Variants in CETP observed in about 807,000 individuals in gnomAD.
CETP encodes BPI fold containing family F.
In CETP, 56 loss-of-function variants were observed where a neutral mutation model predicts 66.5. That is an observed-to-expected ratio of 0.84 (90% confidence interval 0.68 to 1.05). The LOEUF is 1.05. CETP is among the 50% of genes least tolerant of loss of function. The pLI is 0.00. For missense variants in CETP, 612 were observed against 609.6 expected, an observed-to-expected ratio of 1.00 and a Z score of -0.04; for synonymous variants, 251 against 245.7, an observed-to-expected ratio of 1.02 and a Z score of -0.20.
intron 5 of CETP, among the ~76,000 whole-genome samples, chr16:56,970,402 G>A (rs546572131): frequency 6.6e-6 from 1 of 152,302 alleles, no homozygotes; most frequent in African/African-American, 2.4e-5. Context: ...TGCATTCCAA[G>A]CACCACACTA....
rs138298866 is a variant in CETP at position 56,978,126 on chromosome 16, C to T, written c.1017C>T (p.Thr339=). The stretch of plus-strand genomic sequence containing the variant: ...GCTTCCCCAGCCAGGCCCAAGTCAC[C>T]GTCCACTGCCTCAAGATGCCCAAGA... ...VGGFPSQAQV[T]VHCLKMPKIS... The change falls in exon 11 of 16, where the codon ACC becomes ACT. Residue 339 remains threonine (T), a synonymous_variant. Coordinates refer to ENST00000200676, the MANE Select transcript of CETP (RefSeq NM_000078.3). The T allele has an allele frequency of 1.9e-4, 305 of 1,614,240 alleles. No individual in the cohort carries two copies. The highest frequency in any genetic ancestry group is 2.4e-4 in the Non-Finnish European group (284 of 1,180,044).
chr16:56,978,225 G>A lies in CETP; in HGVS notation c.1116G>A (p.Gln372=), dbSNP rs773757183. 94 of 1,614,110 alleles carry A rather than the reference G, an allele frequency of 5.8e-5. No homozygotes were observed. In the South Asian group the frequency reaches 1.0e-3, roughly 17 times the overall value. ...MVKFLFPRPD[Q]QHSVAYTFEE... is the part of the protein sequence containing the mutation. ...AATTCCTCTTTCCACGCCCAGACCAGCAACATTCTGTAGCTTACACATTTG... is the reference window on the plus strand; with the variant it reads ...AATTCCTCTTTCCACGCCCAGACCAACAACATTCTGTAGCTTACACATTTG... Residue 372 remains glutamine, a synonymous_variant, in exon 11 of 16, where the codon CAG becomes CAA. Transcript: ENST00000200676.
chr16:56,981,508 C>A, intron 12 of CETP, 139 bp from the exon 13 acceptor site: 2 of 1,084,374 alleles, frequency 1.8e-6, no homozygotes, highest in Non-Finnish European at 2.8e-6. Flanking sequence ...AAGGGAATAG[C>A]AAATCTCAAG....
chr16:56,971,424 G>A (rs1247210608), intron 7 of CETP, 43 bp downstream of exon 7: 3 of 1,574,144 alleles, frequency 1.9e-6, no homozygotes, highest in Non-Finnish European at 2.6e-6. Context: ...ACAGCAGTGG[G>A]AGCCAGAAAG....
intron 5 of CETP, 69 bp from the exon 6 acceptor site, chr16:56,970,964 G>A: frequency 6.2e-6 from 9 of 1,448,342 alleles, no homozygotes; most frequent in Non-Finnish European, 8.7e-6. Flanking sequence ...ACGGTGCCTG[G>A]TACACACTAG....
At chr16:56,983,204 C>A in intron 14 of CETP, 122 bp from the exon 15 acceptor site, 2 of 785,906 alleles carry the variant, frequency 2.5e-6, no homozygotes, top group South Asian at 2.8e-5. Flanking sequence ...CAAAGTGAAA[C>A]GCATGTTTAC....
chr16:56,982,374 C>T, intron 14 of CETP, 137 bp downstream of exon 14: 1 of 826,790 alleles, frequency 1.2e-6, no homozygotes. Flanking sequence ...GCCCCCTTTC[C>T]TCTCCCTGCT....
rs188149780 is a variant in CETP at position 56,974,075 on chromosome 16, G to C, written c.930+565G>C. 4.8e-4 allele frequency among the ~76,000 whole-genome samples: 73 copies of C among 152,266 alleles called. 2 individuals carry two copies. The East Asian group carries it at 0.014, about 29-fold the overall frequency. The stretch of plus-strand genomic sequence containing the variant: ...GTCAGGTAGGCCCAGGCCTGGTTTC[G>C]GGTCTGGTTCCTTGGTTTCGGGTCT... On this transcript the variant is annotated intron_variant, in intron 9 of 15. Transcript: ENST00000200676.
At chr16:56,978,066 G>A (rs2056162097) in intron 10 of CETP, 25 bp from the exon 11 acceptor site, 18 of 1,612,778 alleles carry the variant, frequency 1.1e-5, no homozygotes, top group Non-Finnish European at 1.5e-5. Flanking sequence ...CCCTGTCCTG[G>A]CCATGGGACC....
intron 2 of CETP, among the ~76,000 whole-genome samples, chr16:56,963,587 G>T (rs2056041790): frequency 6.6e-6 from 1 of 152,160 alleles, no homozygotes; most frequent in South Asian, 2.1e-4. Context: ...CTTTATTTGG[G>T]ATGATGGTAA....
At chr16:56,962,793 C>T (rs1410405377) in intron 1 of CETP, among the ~76,000 whole-genome samples, 2 of 152,158 alleles carry the variant, frequency 1.3e-5, no homozygotes, top group Admixed American at 6.5e-5. Context: ...AGGGTATGAT[C>T]AGGATCTCTA....
intron 2 of CETP, among the ~76,000 whole-genome samples, chr16:56,964,643 G>C (rs1054522779): frequency 3.3e-5 from 5 of 152,286 alleles, no homozygotes; most frequent in Non-Finnish European, 4.4e-5. Flanking sequence ...GCTCCCCAGG[G>C]GTGGTCTCTG....
chr16:56,978,539 C>T (rs2056166618), intron 11 of CETP, among the ~76,000 whole-genome samples: 1 of 151,434 alleles, frequency 6.6e-6, no homozygotes, highest in African/African-American at 2.4e-5. Flanking sequence ...GGAGTGCAGC[C>T]TCACACTCAT....
rs1211093614 is a variant in CETP at position 56,970,947 on chromosome 16, G to A, written c.528-86G>A. 14 of 1,249,616 alleles carry A rather than the reference G, an allele frequency of 1.1e-5. No homozygotes were observed. The East Asian group carries it at 3.2e-4, about 29-fold the overall frequency. The allele number at this position is 1,249,616 out of a possible 1,614,324, so 77.4% of individuals were successfully genotyped here. A position where few individuals can be genotyped will look rare whatever the true frequency, so the allele number is the denominator to read the frequency against. ...AGCTACAAGAGTCAGGGCCAACAGAGCCATGAACGGTGCCTGGTACACACT... is the reference window on the plus strand; with the variant it reads ...AGCTACAAGAGTCAGGGCCAACAGAACCATGAACGGTGCCTGGTACACACT... On this transcript the variant is annotated intron_variant, in intron 5 of 15. Transcript: ENST00000200676.
At chr16:56,979,543 C>T (rs1288367898) in intron 11 of CETP, among the ~76,000 whole-genome samples, 1 of 151,634 alleles carries the variant, frequency 6.6e-6, no homozygotes, top group East Asian at 1.9e-4. Flanking sequence ...CAGAGTCTCA[C>T]TCTGTCACCC....
rs774433762 is a variant in CETP, at chr16:56,978,214, C to T, written c.1105C>T (p.Arg369Cys). Residue 369 changes from arginine to cysteine, a missense_variant, in exon 11 of 16, where the codon CGC becomes TGC. Transcript: ENST00000200676. The part of the protein sequence containing the change: ...SSVMVKFLFP[R>C]PDQQHSVAYT... ...AGTGATGGTGAAATTCCTCTTTCCA[C>T]GCCCAGACCAGCAACATTCTGTAGC... is the stretch of plus-strand genomic sequence containing the variant. 104 of 1,614,116 alleles carry T rather than the reference C, an allele frequency of 6.4e-5. No homozygotes were observed. Among genetic ancestry groups the T allele is most frequent in the Admixed American group, 2.8e-4 (17 of 60,014 alleles).
Position 56,983,626 on chromosome 16 carries a change from C to T in CETP, c.1442C>T (p.Pro481Leu). The T allele has an allele frequency of 6.2e-7, 1 of 1,614,168 alleles. No individual in the cohort carries two copies. The highest frequency in any genetic ancestry group is 8.5e-7 in the Non-Finnish European group (1 of 1,180,020). The change falls in exon 16 of 16, where the codon CCT becomes CTT. Residue 481 changes from proline to leucine, a missense_variant. Transcript: ENST00000200676. ...FLLLQMDFGF[P>L]EHLLVDFLQS... ...CTGCTGCAGATGGACTTTGGCTTCC[C>T]TGAGCACCTGCTGGTGGATTTCCTC...
chr16:56,975,405 G>C (rs1269648752), intron 10 of CETP, among the ~76,000 whole-genome samples: 3 of 152,222 alleles, frequency 2.0e-5, no homozygotes, highest in African/African-American at 7.2e-5. Context: ...GAATGGCAAG[G>C]CTGGGTTTGA....
At chr16:56,971,244 A>G (rs1242214220) in intron 6 of CETP, 77 bp from the exon 7 acceptor site, 3 of 1,547,170 alleles carry the variant, frequency 1.9e-6, no homozygotes, top group African/African-American at 2.7e-5. Flanking sequence ...CAGCACTGCC[A>G]CCACCACGCA....
Sources: allele counts gnomAD v4.1 joint callset (sites outside exome capture counted in the v4.1 genomes callset), GRCh38; gene constraint gnomAD v4.1.1; transcripts MANE v1.5; gene names NCBI Gene and HGNC (gene_info 2026-07-23, HGNC 2026-07-21).